PDE10A: variants seen among roughly 807,000 people sequenced by gnomAD.
The protein encoded by PDE10A is phosphodiesterase 10A, also known as cAMP and cAMP-inhibited cGMP 3',5'-cyclic phosphodiesterase 10A.
PDE10A carries 39 observed loss-of-function variants against 97.7 expected under a neutral mutation model. The ratio of observed to expected loss-of-function variants is 0.40; its 90% CI spans 0.31 to 0.52. PDE10A has a LOEUF of 0.52. Ranked by LOEUF, PDE10A falls within the 20% of genes least tolerant of loss-of-function variation. The probability of loss-of-function intolerance (pLI) is 0.56; values close to 1 mark genes in which losing one functional copy is unlikely to be tolerated. For synonymous variants in PDE10A, 371 were observed against 376.8 expected, an observed-to-expected ratio of 0.98 and a Z score of 0.18; for missense variants, 731 against 1,047.8, an observed-to-expected ratio of 0.70 and a Z score of 4.17.
intron 3 of PDE10A, among the ~76,000 whole-genome samples, chr6:165,459,467 T>G (rs114820827): frequency 1.5e-4 from 23 of 152,078 alleles, no homozygotes; most frequent in African/African-American, 5.5e-4. Flanking sequence ...TATATCACAC[T>G]GCTGTCAATG....
intron 1 of PDE10A, among the ~76,000 whole-genome samples, chr6:165,830,089 G>C (rs1455383549): frequency 6.6e-6 from 1 of 152,202 alleles, no homozygotes; most frequent in Non-Finnish European, 1.5e-5. Context: ...AAGACATGAA[G>C]ATTCAGTATC....
intron 1 of PDE10A, among the ~76,000 whole-genome samples, chr6:165,564,731 G>C (rs1198246904): frequency 1.5e-4 from 23 of 152,174 alleles, no homozygotes; most frequent in Admixed American, 1.2e-3. Flanking sequence ...CTTGGAGCTT[G>C]TCTGGCACCG....
At chr6:165,713,652 G>A (rs903400054) in intron 1 of PDE10A, among the ~76,000 whole-genome samples, 2 of 152,152 alleles carry the variant, frequency 1.3e-5, no homozygotes, top group Non-Finnish European at 1.5e-5. Context: ...CGCAAACACC[G>A]ATGCTTTCTA....
chr6:165,918,105 T>C (rs780227727), intron 1 of PDE10A, among the ~76,000 whole-genome samples: 7 of 152,204 alleles, frequency 4.6e-5, no homozygotes, highest in Admixed American at 6.5e-5. Flanking sequence ...ATTTAGAAAC[T>C]GTAGGATTTG....
At chr6:165,688,397 T>C (rs1049854692) in intron 1 of PDE10A, among the ~76,000 whole-genome samples, 5 of 152,164 alleles carry the variant, frequency 3.3e-5, no homozygotes, top group African/African-American at 1.2e-4. Flanking sequence ...CTTCTAATAT[T>C]GGACCGGTAC....
At chr6:165,555,235 C>T (rs531476586) in intron 1 of PDE10A, among the ~76,000 whole-genome samples, 39 of 152,264 alleles carry the variant, frequency 2.6e-4, no homozygotes, top group Middle Eastern at 6.8e-3. Flanking sequence ...CCATGATGTG[C>T]TTCTTTCACA....
intron 20 of PDE10A, among the ~76,000 whole-genome samples, chr6:165,338,123 T>C (rs950828312): frequency 2.6e-5 from 4 of 152,144 alleles, no homozygotes; most frequent in African/African-American, 9.7e-5. Context: ...TCAGGATCCA[T>C]TTCTAATCAA....
chr6:165,508,729 A>G (rs995261396), intron 2 of PDE10A, among the ~76,000 whole-genome samples: 1 of 152,016 alleles, frequency 6.6e-6, no homozygotes, highest in African/African-American at 2.4e-5. Context: ...AGCCACTGCA[A>G]GAGGTATGCA....
intron 20 of PDE10A, among the ~76,000 whole-genome samples, chr6:165,338,243 T>C (rs1320066068): frequency 6.6e-6 from 1 of 152,248 alleles, no homozygotes; most frequent in Non-Finnish European, 1.5e-5. Context: ...AGCTGTGGAC[T>C]TGTCTAAATT....
chr6:165,434,411 C>G (rs1462529753), intron 6 of PDE10A, among the ~76,000 whole-genome samples: 3 of 151,598 alleles, frequency 2.0e-5, no homozygotes, highest in African/African-American at 7.3e-5. Context: ...TTTTTTTACA[C>G]CTGTGTACTT....
chr6:165,352,331 G>C (rs1466521248), intron 18 of PDE10A, among the ~76,000 whole-genome samples: 1 of 152,038 alleles, frequency 6.6e-6, no homozygotes, highest in Admixed American at 6.6e-5. Flanking sequence ...GGCCAAGTCT[G>C]CCATTTATTT....
intron 1 of PDE10A, among the ~76,000 whole-genome samples, chr6:165,677,967 T>C (rs1404522802): frequency 6.6e-6 from 1 of 151,918 alleles, no homozygotes; most frequent in Non-Finnish European, 1.5e-5. Flanking sequence ...TGTATATCTA[T>C]GTGTTTTGTG....
intron 1 of PDE10A, among the ~76,000 whole-genome samples, chr6:165,893,908 G>A (rs1299018144): frequency 6.6e-6 from 1 of 151,462 alleles, no homozygotes; most frequent in South Asian, 2.1e-4. Flanking sequence ...TGAACACATG[G>A]TGCTTAGTTG....
At chr6:165,452,950 C>T (rs1314032429) in intron 3 of PDE10A, among the ~76,000 whole-genome samples, 1 of 150,330 alleles carries the variant, frequency 6.7e-6, no homozygotes, top group Non-Finnish European at 1.5e-5. Flanking sequence ...TTAGGAATTA[C>T]TTAAGTGGTC....
intron 1 of PDE10A, among the ~76,000 whole-genome samples, chr6:165,971,724 C>T (rs1156833654): frequency 6.6e-6 from 1 of 152,176 alleles, no homozygotes; most frequent in East Asian, 1.9e-4. Context: ...AATCTTCAGG[C>T]CTGGGATTGG....
chr6:165,507,993 T>C lies in PDE10A; in HGVS notation c.995-25650A>G, dbSNP rs181426896. Reference sequence around the variant, plus strand: ...GTAGATATATTTCAAGGAATATTTCTACCCAAAGCCCAGAAGAAAGAGACT... The same window carrying C: ...GTAGATATATTTCAAGGAATATTTCCACCCAAAGCCCAGAAGAAAGAGACT... On this transcript the variant is annotated intron_variant, in intron 2 of 21. Transcript: ENST00000539869. Among the ~76,000 whole-genome samples, 311 of 152,238 alleles carry C rather than the reference T, an allele frequency of 2.0e-3. 3 individuals are homozygous for C. The highest frequency in any genetic ancestry group is 2.3e-3 in the Non-Finnish European group (157 of 67,980).
intron 1 of PDE10A, among the ~76,000 whole-genome samples, chr6:165,943,785 GA>G (rs915360334): frequency 1.2e-4 from 19 of 152,186 alleles, no homozygotes; most frequent in African/African-American, 4.3e-4. Context: ...GACCTACCCA[GA>G]AATAGTGATT....
At chr6:165,392,409 G>A (rs1194849887) in intron 16 of PDE10A, among the ~76,000 whole-genome samples, 2 of 152,070 alleles carry the variant, frequency 1.3e-5, no homozygotes, top group African/African-American at 2.4e-5. Context: ...TACAAAATTA[G>A]TATTTCCTTG....
At chr6:165,557,984 G>GA (rs1250756329) in intron 1 of PDE10A, among the ~76,000 whole-genome samples, 3 of 152,148 alleles carry the variant, frequency 2.0e-5, no homozygotes, top group African/African-American at 7.2e-5. Flanking sequence ...TGCCTACTAT[G>GA]AATCAGACAT....
Sources: allele counts gnomAD v4.1 joint callset (sites outside exome capture counted in the v4.1 genomes callset), GRCh38; gene constraint gnomAD v4.1.1; transcripts MANE v1.5; gene names NCBI Gene and HGNC (gene_info 2026-07-23, HGNC 2026-07-21).